Variants in RHOH observed in about 807,000 individuals in gnomAD.
RHOH encodes rho-related GTP-binding protein RhoH.
In RHOH, 6 loss-of-function variants were observed where a neutral mutation model predicts 13.8. The observed-to-expected ratio is 0.44, with a 90% CI of 0.24 to 0.86. The LOEUF is 0.86. Ranked by LOEUF, RHOH falls within the 40% of genes least tolerant of loss-of-function variation. The pLI is 0.24. For synonymous variants in RHOH, 117 were observed against 103.0 expected, an observed-to-expected ratio of 1.14 and a Z score of -0.82; for missense variants, 147 against 244.5, an observed-to-expected ratio of 0.60 and a Z score of 2.66.
upstream of RHOH, among the ~76,000 whole-genome samples, chr4:40,196,423 A>G (rs111818988): frequency 1.1e-4 from 17 of 152,300 alleles, no homozygotes; most frequent in African/African-American, 3.9e-4. Context: ...TTTTAGGCAA[A>G]TAATGAAACT....
intron 1 of RHOH, among the ~76,000 whole-genome samples, chr4:40,235,985 GAA>G (rs768451271): frequency 0.066 from 6,307 of 95,884 alleles, 435 homozygotes; most frequent in African/African-American, 0.18. Context: ...CTGTCTTAAA[GAA>G]AAAAAAAAAA....
intron 1 of RHOH, among the ~76,000 whole-genome samples, chr4:40,205,163 C>G (rs1724500787): frequency 6.6e-6 from 1 of 152,216 alleles, no homozygotes; most frequent in African/African-American, 2.4e-5. Flanking sequence ...ACTCTGGAGG[C>G]TGAGGCAGGA....
intron 1 of RHOH, among the ~76,000 whole-genome samples, chr4:40,229,367 G>A (rs1287293607): frequency 6.6e-6 from 1 of 152,138 alleles, no homozygotes; most frequent in East Asian, 1.9e-4. Flanking sequence ...CTGGCGCGGT[G>A]GCTCACACCT....
intron 1 of RHOH, chr4:40,212,691 A>G (rs1377663557): frequency 6.6e-6 from 1 of 152,278 alleles, no homozygotes; most frequent in African/African-American, 2.4e-5. Context: ...CAAAGTACCA[A>G]ACCTCAAGAG....
intron 1 of RHOH, among the ~76,000 whole-genome samples, chr4:40,205,143 A>G (rs1475577232): frequency 6.6e-6 from 1 of 152,232 alleles, no homozygotes; most frequent in East Asian, 1.9e-4. Context: ...ATGAGCCTGT[A>G]ATCCTAGCTA....
Position 40,244,025 on chromosome 4 carries a change from G to T in RHOH, c.*63G>T. 1 of 1,374,150 alleles carries T rather than the reference G, an allele frequency of 7.3e-7. No homozygotes were observed. Among genetic ancestry groups the T allele is most frequent in the Non-Finnish European group, 9.9e-7 (1 of 1,010,372 alleles). The allele number at this position is 1,374,150 out of a possible 1,614,324, so 85.1% of individuals were successfully genotyped here. A position where few individuals can be genotyped will look rare whatever the true frequency, so the allele number is the denominator to read the frequency against. ...CCAAAGACTAATGGGGAGAGGGAGG[G>T]CCGGGAAGCCAGGAAAGCTTGGTGT... On this transcript the variant is annotated 3_prime_UTR_variant, in exon 3 of 3. Coordinates refer to ENST00000381799, the MANE Select transcript of RHOH (RefSeq NM_004310.5).
chr4:40,227,797 T>C (rs935646899), intron 1 of RHOH, among the ~76,000 whole-genome samples: 4 of 152,170 alleles, frequency 2.6e-5, no homozygotes, highest in Non-Finnish European at 1.5e-5. Context: ...AGAAAAAATA[T>C]ATGTTGTCAA....
intron 1 of RHOH, among the ~76,000 whole-genome samples, chr4:40,204,366 C>T (rs1724388528): frequency 6.6e-6 from 1 of 152,208 alleles, no homozygotes; most frequent in East Asian, 1.9e-4. Flanking sequence ...GGGTCTAACG[C>T]CTGAAATCAG....
chr4:40,233,829 G>A (rs989974562), intron 1 of RHOH, among the ~76,000 whole-genome samples: 3 of 151,994 alleles, frequency 2.0e-5, no homozygotes, highest in Admixed American at 6.6e-5. Context: ...GGGAGGCTGA[G>A]GCAGGAGAAT....
chr4:40,243,490 C>A lies in RHOH; in HGVS notation c.104C>A (p.Pro35His). The change falls in exon 3 of 3, where the codon CCC (proline) becomes CAC (histidine). Residue 35 changes from proline to histidine, a missense_variant. Transcript: ENST00000381799. The surrounding 1 kb of genome is among the most constrained non-coding windows in gnomAD (Gnocchi z 6.2). ...TSETFPEAYKPTVYENTGVDV... is the reference protein window; with the variant it reads ...TSETFPEAYKHTVYENTGVDV... ...GAGACCTTCCCGGAGGCCTACAAGC[C>A]CACAGTGTACGAGAACACAGGGGTG... is the stretch of plus-strand genomic sequence containing the variant. 6.2e-7 allele frequency: 1 copy of A among 1,613,810 alleles called. No individual in the cohort carries two copies. The highest frequency in any genetic ancestry group is 1.1e-5 in the South Asian group (1 of 91,038).
rs1726186009 is a variant in RHOH, at chr4:40,218,804, A to C, written c.-331+21504A>C. 6.6e-6 allele frequency among the ~76,000 whole-genome samples: 1 copy of C among 152,216 alleles called. No homozygotes were observed. The highest frequency in any genetic ancestry group is 6.5e-5 in the Admixed American group (1 of 15,286). On this transcript the variant is annotated intron_variant, in intron 1 of 2. Coordinates refer to ENST00000381799, the MANE Select transcript of RHOH (RefSeq NM_004310.5). The surrounding 1 kb of genome is among the most constrained non-coding windows in gnomAD (Gnocchi z 4.1). ...TTTGGAGTGGCTAAATGGCGTAAGC[A>C]AGGTCGTGTCACTAGGAGTAGAGCT...
At position 40,227,616 on chromosome 4, in the gene RHOH, A is replaced by T. The variant is rs898449696; in HGVS notation, c.-330-15098A>T. ...AGGGTTTGCTCAGTGAAGGGGGAGT[A>T]CCAGGAATCTGGGGAATTCCCAGAA... On this transcript the variant is annotated intron_variant, in intron 1 of 2. Transcript: ENST00000381799. Among the ~76,000 whole-genome samples the T allele has an allele frequency of 2.0e-5, 3 of 152,154 alleles. No individual in the cohort carries two copies. In the South Asian group the frequency reaches 6.2e-4, roughly 31 times the overall value.
At chr4:40,210,090 G>A (rs1418232250) in intron 1 of RHOH, among the ~76,000 whole-genome samples, 2 of 12,940 alleles carry the variant, frequency 1.5e-4, no homozygotes. Flanking sequence ...CATTGTGTGC[G>A]TGTGTGTGTG....
At chr4:40,194,219 TTTATTA>T (rs139835778), upstream of RHOH, among the ~76,000 whole-genome samples, 1 of 143,258 alleles carries the variant, frequency 7.0e-6, no homozygotes. Context: ...GTCATTTTTC[TTTATTA>T]TTATTATTAT....
intron 1 of RHOH, among the ~76,000 whole-genome samples, chr4:40,226,298 G>A (rs368847601): frequency 5.9e-5 from 9 of 151,716 alleles, no homozygotes; most frequent in Non-Finnish European, 7.4e-5. Flanking sequence ...AGGCTGAGGC[G>A]GGCGGATCAC....
At position 40,225,615 on chromosome 4, in the gene RHOH, C is replaced by A. The variant is rs891758481; in HGVS notation, c.-330-17099C>A. 2.0e-5 allele frequency among the ~76,000 whole-genome samples: 3 copies of A among 152,162 alleles called. No homozygotes were observed. In the South Asian group the frequency reaches 6.2e-4, roughly 32 times the overall value. Reference sequence around the variant, plus strand: ...GCTCTGCAAAGATGGTGGTCTTCTGCTCATCAAATGGTGTGTGAGAGTGTC... The same window carrying A: ...GCTCTGCAAAGATGGTGGTCTTCTGATCATCAAATGGTGTGTGAGAGTGTC... On this transcript the variant is annotated intron_variant, in intron 1 of 2. Transcript: ENST00000381799.
intron 1 of RHOH, among the ~76,000 whole-genome samples, chr4:40,202,133 G>T (rs10023001): frequency 0.029 from 4,402 of 151,608 alleles, 218 homozygotes; most frequent in African/African-American, 0.1. Context: ...TTTTTGTAGA[G>T]ACGGGGTCTC....
At chr4:40,238,061 G>A (rs1345752083) in intron 1 of RHOH, among the ~76,000 whole-genome samples, 1 of 152,222 alleles carries the variant, frequency 6.6e-6, no homozygotes, top group African/African-American at 2.4e-5. Flanking sequence ...AGCTCACAGT[G>A]AAGAGGGCAG....
Position 40,243,801 on chromosome 4 carries a change from C to A in RHOH, c.415C>A (p.Leu139Met). 5.0e-6 allele frequency: 8 copies of A among 1,614,140 alleles called. No homozygotes were observed. Among genetic ancestry groups the A allele is most frequent in the Non-Finnish European group, 6.8e-6 (8 of 1,180,020 alleles). ...SCVNAMEGKK[L>M]AQDVRAKGYL... ...CGTCAATGCCATGGAAGGGAAGAAACTGGCCCAGGATGTCAGAGCCAAGGG... is the reference window on the plus strand; with the variant it reads ...CGTCAATGCCATGGAAGGGAAGAAAATGGCCCAGGATGTCAGAGCCAAGGG... The change falls in exon 3 of 3, where the codon CTG becomes ATG. Residue 139 changes from leucine (L) to methionine (M), a missense_variant. Leu to Met is a conservative substitution (Grantham distance 15). This residue lies in a region of RHOH where 36 missense variants were observed against 30.7 expected (regional missense o/e 1.17). Transcript: ENST00000381799. The surrounding 1 kb of genome is among the most constrained non-coding windows in gnomAD (Gnocchi z 6.2).
Sources: allele counts gnomAD v4.1 joint callset (sites outside exome capture counted in the v4.1 genomes callset), GRCh38; gene constraint gnomAD v4.1.1; regional missense constraint gnomAD v4.1.1; non-coding constraint Gnocchi (gnomAD v3.1); transcripts MANE v1.5; gene names NCBI Gene and HGNC (gene_info 2026-07-23, HGNC 2026-07-21).